Variants in PHC2 observed in about 807,000 individuals in gnomAD.
PHC2 encodes polyhomeotic-like protein 2.
Under a neutral mutation model 87.4 loss-of-function variants are expected in PHC2, and 29 were observed. The observed-to-expected ratio is 0.33, with a 90% confidence interval of 0.25 to 0.45. The LOEUF is 0.45. Among genes scored for constraint, PHC2 ranks in the 20% least tolerant of loss-of-function variants. PHC2 has a pLI of 1.00. For synonymous variants in PHC2, 438 were observed against 461.7 expected (o/e 0.95, Z 0.66); for missense variants, 857 against 1,136.7 (o/e 0.75, Z 3.54).
intron 1 of PHC2, 146 bp from the exon 2 acceptor site, chr1:33,375,739 A>G (rs1648142913): frequency 5.8e-6 from 3 of 520,138 alleles, no homozygotes; most frequent in Non-Finnish European, 6.6e-6. Flanking sequence ...CGGTGTCTGT[A>G]CTGAACACGT....
At chr1:33,337,348 T>C (rs775008069) in intron 9 of PHC2, among the ~76,000 whole-genome samples, 2 of 152,222 alleles carry the variant, frequency 1.3e-5, no homozygotes, top group African/African-American at 2.4e-5. Flanking sequence ...AGTGATTCCT[T>C]ATATAACGAG....
rs186469012 is a variant in PHC2, at chr1:33,399,954, T to G, written c.-54-24361A>C. On this transcript the variant is annotated intron_variant, in intron 1 of 14. Coordinates refer to ENST00000683057, the MANE Select transcript of PHC2 (RefSeq NM_001385109.1). The stretch of plus-strand genomic sequence containing the variant: ...TTTATTTATAAGGCACTAGGGACTC[T>G]TAGAAATCAGTAAGAGAGAGATATA... Among the ~76,000 whole-genome samples, 95 of 152,198 alleles carry G rather than the reference T, an allele frequency of 6.2e-4. No individual in the cohort carries two copies. The East Asian group carries it at 0.016, about 26-fold the overall frequency.
chr1:33,376,280 C>A (rs1201898878), intron 1 of PHC2, among the ~76,000 whole-genome samples: 1 of 152,194 alleles, frequency 6.6e-6, no homozygotes, highest in Non-Finnish European at 1.5e-5. Flanking sequence ...AGTGATCCAC[C>A]TGCCTTGACC....
At chr1:33,400,455 T>C (rs541609024) in intron 1 of PHC2, among the ~76,000 whole-genome samples, 1 of 152,344 alleles carries the variant, frequency 6.6e-6, no homozygotes, top group South Asian at 2.1e-4. Context: ...GCAGTTAACA[T>C]TTATTAAGCA....
rs1646575474 is a variant in PHC2, at chr1:33,334,317, A to G, written c.1559-25T>C. The G allele has an allele frequency of 6.2e-7, 1 of 1,603,394 alleles. No individual in the cohort carries two copies. Among genetic ancestry groups the G allele is most frequent in the Non-Finnish European group, 8.5e-7 (1 of 1,171,800 alleles). On this transcript the variant is annotated intron_variant, in intron 9 of 14. Coordinates refer to ENST00000683057, the MANE Select transcript of PHC2 (RefSeq NM_001385109.1). This position sits in a 1 kb window ranked among gnomAD's most constrained non-coding sequence, Gnocchi z 5.5. ...TCTGCACGAGAGAGAGTAGGAAAACAAAGCAGGGGAGATCAGAACCAGAGT... is the reference window on the plus strand; with the variant it reads ...TCTGCACGAGAGAGAGTAGGAAAACGAAGCAGGGGAGATCAGAACCAGAGT...
intron 1 of PHC2, among the ~76,000 whole-genome samples, chr1:33,403,189 C>T (rs12728411): frequency 0.49 from 66,796 of 135,456 alleles, 17,322 homozygotes; most frequent in South Asian, 0.62. Flanking sequence ...TGCAGTGGTG[C>T]GATCTCGGCT....
At chr1:33,361,248 G>T (rs1338054456) in intron 7 of PHC2, among the ~76,000 whole-genome samples, 1 of 152,204 alleles carries the variant, frequency 6.6e-6, no homozygotes, top group Non-Finnish European at 1.5e-5. Flanking sequence ...AAGTCAGATA[G>T]TCAGAAGTCA....
At chr1:33,346,248 G>GGGGGGTGGGGGGGGGGGGGGGC in intron 9 of PHC2, 1 of 284,162 alleles carries the variant, frequency 3.5e-6, no homozygotes, top group Non-Finnish European at 5.1e-6. Flanking sequence ...GGGAGGGTGG[G>GGGGGGTGGGGGGGGGGGGGGGC]CAGGCTCAGA....
At chr1:33,365,871 CTCTG>C (rs57383587) in intron 7 of PHC2, among the ~76,000 whole-genome samples, 32,310 of 152,054 alleles carry the variant, frequency 0.21, 5,883 homozygotes, top group African/African-American at 0.5. Flanking sequence ...ACCTTCCCCA[CTCTG>C]TCTGTCAGGT....
intron 1 of PHC2, among the ~76,000 whole-genome samples, chr1:33,405,211 CAG>C (rs1289567463): frequency 6.8e-6 from 1 of 147,032 alleles, no homozygotes; most frequent in African/African-American, 2.5e-5. Context: ...TTTTTGGAGA[CAG>C]AGTCTCGCTC....
chr1:33,418,699 C>G (rs1650305728), intron 1 of PHC2, among the ~76,000 whole-genome samples: 1 of 152,178 alleles, frequency 6.6e-6, no homozygotes, highest in African/African-American at 2.4e-5. Context: ...TATATAAACT[C>G]TTCTGGAAAA....
At chr1:33,372,498 C>T (rs1158051420) in intron 2 of PHC2, 51 bp from the exon 3 acceptor site, 4 of 1,451,388 alleles carry the variant, frequency 2.8e-6, no homozygotes, top group South Asian at 2.9e-5. Context: ...CCACACAGAA[C>T]ACCCCTTTGG....
chr1:33,342,210 G>A (rs566885079), intron 9 of PHC2, among the ~76,000 whole-genome samples: 168 of 152,346 alleles, frequency 1.1e-3, no homozygotes, highest in Non-Finnish European at 2.0e-3. Flanking sequence ...TGCCCTCAGC[G>A]TCACTGCAAA....
chr1:33,390,797 T>TA (rs1034257192), intron 1 of PHC2, among the ~76,000 whole-genome samples: 2 of 151,760 alleles, frequency 1.3e-5, no homozygotes, highest in East Asian at 1.9e-4. Context: ...CTCCAACCAT[T>TA]AAAAAAATGT....
At chr1:33,424,590 C>T (rs1650593409) in intron 1 of PHC2, among the ~76,000 whole-genome samples, 1 of 152,232 alleles carries the variant, frequency 6.6e-6, no homozygotes, top group Non-Finnish European at 1.5e-5. Context: ...ACGCTGGTCT[C>T]TGCCCAAAAC....
intron 9 of PHC2, among the ~76,000 whole-genome samples, chr1:33,340,200 A>G (rs4653058): frequency 1 from 152,062 of 152,350 alleles, 75,887 homozygotes; most frequent in Non-Finnish European, 1. Flanking sequence ...AGCTAATGAA[A>G]TGAATAAAGA....
At chr1:33,396,803 GA>G (rs1649312885) in intron 1 of PHC2, among the ~76,000 whole-genome samples, 1 of 152,220 alleles carries the variant, frequency 6.6e-6, no homozygotes, top group Non-Finnish European at 1.5e-5. Flanking sequence ...ATTTGAGGTA[GA>G]GGCTTTGCAA....
intron 1 of PHC2, among the ~76,000 whole-genome samples, chr1:33,414,179 A>ACT (rs1486773815): frequency 3.4e-3 from 249 of 72,424 alleles, no homozygotes; most frequent in East Asian, 0.012. Context: ...TCTCTCTGTC[A>ACT]CACACACACA....
chr1:33,373,224 T>C (rs1647965987), intron 2 of PHC2, among the ~76,000 whole-genome samples: 1 of 152,124 alleles, frequency 6.6e-6, no homozygotes, highest in Non-Finnish European at 1.5e-5. Flanking sequence ...TTCAAGTGAT[T>C]CTCCTGCCTC....
Sources: allele counts gnomAD v4.1 joint callset (sites outside exome capture counted in the v4.1 genomes callset), GRCh38; gene constraint gnomAD v4.1.1; non-coding constraint Gnocchi (gnomAD v3.1); transcripts MANE v1.5; gene names NCBI Gene and HGNC (gene_info 2026-07-23, HGNC 2026-07-21).